Variants in ANKS1B observed in about 807,000 individuals in gnomAD.
ANKS1B encodes ankyrin repeat and sterile alpha motif domain containing 1B.
In ANKS1B, 36 loss-of-function variants were observed where a neutral mutation model predicts 148.3. The observed-to-expected ratio is 0.24, with a 90% CI of 0.19 to 0.32. ANKS1B has a LOEUF of 0.32. Ranked by LOEUF, ANKS1B falls within the 10% of genes least tolerant of loss-of-function variation. ANKS1B has a pLI of 1.00. For missense variants in ANKS1B, 1,157 were observed against 1,542.6 expected (o/e 0.75, Z 4.19); for synonymous variants, 542 against 560.8 (o/e 0.97, Z 0.47).
intron 8 of ANKS1B, among the ~76,000 whole-genome samples, chr12:99,723,818 C>T (rs1408734764): frequency 2.6e-5 from 4 of 152,088 alleles, no homozygotes; most frequent in Non-Finnish European, 5.9e-5. Context: ...GTTTTCCAGC[C>T]TCCTTGAGTG....
At chr12:99,301,412 G>A (rs1435114333) in intron 12 of ANKS1B, among the ~76,000 whole-genome samples, 1 of 152,042 alleles carries the variant, frequency 6.6e-6, no homozygotes, top group African/African-American at 2.4e-5. Flanking sequence ...TTTAATACAT[G>A]GGTAGAATTA....
At chr12:99,470,151 GA>G (rs1336803917) in intron 10 of ANKS1B, among the ~76,000 whole-genome samples, 1 of 150,876 alleles carries the variant, frequency 6.6e-6, no homozygotes, top group Non-Finnish European at 1.5e-5. Flanking sequence ...AAGTTTTCAT[GA>G]AAAAAAGAAA....
At chr12:98,911,384 G>A (rs1453722176) in intron 17 of ANKS1B, among the ~76,000 whole-genome samples, 1 of 152,096 alleles carries the variant, frequency 6.6e-6, no homozygotes, top group Non-Finnish European at 1.5e-5. Context: ...CAACTGTATG[G>A]CCCTGAGAAA....
At chr12:98,907,005 C>CTGTGTGTGTG (rs59857138) in intron 17 of ANKS1B, among the ~76,000 whole-genome samples, 21 of 145,640 alleles carry the variant, frequency 1.4e-4, no homozygotes, top group African/African-American at 4.6e-4. Flanking sequence ...CATAGTTACT[C>CTGTGTGTGTG]TGTGTGTGTG....
intron 17 of ANKS1B, among the ~76,000 whole-genome samples, chr12:98,977,019 C>T (rs1462880396): frequency 1.3e-5 from 2 of 152,204 alleles, no homozygotes; most frequent in African/African-American, 4.8e-5. Context: ...GAAATATCGA[C>T]ACTTCTCAAT....
chr12:99,183,441 A>C (rs2153864181), intron 14 of ANKS1B, among the ~76,000 whole-genome samples: 2 of 152,302 alleles, frequency 1.3e-5, no homozygotes, highest in Non-Finnish European at 2.9e-5. Flanking sequence ...CAGGAGTTTG[A>C]GACCAGCCTG....
rs367769618 is a variant in ANKS1B at position 99,540,490 on chromosome 12, A to T, written c.1273-35849T>A. Among the ~76,000 whole-genome samples the T allele has an allele frequency of 4.6e-5, 7 of 152,310 alleles. No individual in the cohort carries two copies. The East Asian group carries it at 1.3e-3, about 29-fold the overall frequency. On this transcript the variant is annotated intron_variant, in intron 9 of 26. Transcript: ENST00000683438. ...GTATGTTCTCTGACCATAATAGAAAAAAATTAGAAAACAATAAAAATGAAA... is the reference window on the plus strand; with the variant it reads ...GTATGTTCTCTGACCATAATAGAAATAAATTAGAAAACAATAAAAATGAAA...
chr12:99,737,642 G>T (rs2059734580), intron 8 of ANKS1B, among the ~76,000 whole-genome samples: 1 of 151,982 alleles, frequency 6.6e-6, no homozygotes. Context: ...CACCTCTACA[G>T]CATCAACTCC....
intron 10 of ANKS1B, among the ~76,000 whole-genome samples, chr12:99,481,548 G>T (rs1244098399): frequency 6.6e-6 from 1 of 151,684 alleles, no homozygotes; most frequent in African/African-American, 2.4e-5. Context: ...TTTCCTTTGG[G>T]TAGACCTAGT....
chr12:99,649,390 G>T, intron 9 of ANKS1B: 5 of 1,613,032 alleles, frequency 3.1e-6, no homozygotes, highest in Non-Finnish European at 4.2e-6. Flanking sequence ...TTATACAATA[G>T]AGATATGAAT....
At chr12:99,144,121 T>C (rs950614922) in intron 15 of ANKS1B, among the ~76,000 whole-genome samples, 2 of 152,160 alleles carry the variant, frequency 1.3e-5, no homozygotes, top group Non-Finnish European at 2.9e-5. Flanking sequence ...GTTATATTAT[T>C]AAATTGGCTA....
intron 8 of ANKS1B, among the ~76,000 whole-genome samples, chr12:99,729,077 A>G (rs2058888458): frequency 6.6e-6 from 1 of 152,242 alleles, no homozygotes; most frequent in African/African-American, 2.4e-5. Flanking sequence ...TACCTCCAAG[A>G]TATGCCTGTG....
At chr12:99,148,305 C>T (rs1368569057) in intron 15 of ANKS1B, among the ~76,000 whole-genome samples, 2 of 152,060 alleles carry the variant, frequency 1.3e-5, no homozygotes, top group Non-Finnish European at 2.9e-5. Context: ...GTATTATATA[C>T]TGCATTATTA....
intron 8 of ANKS1B, among the ~76,000 whole-genome samples, chr12:99,669,984 T>G: frequency 6.6e-6 from 1 of 152,186 alleles, no homozygotes; most frequent in South Asian, 2.1e-4. Flanking sequence ...TATCCAGGTC[T>G]GATCATGAAT....
At chr12:99,112,786 C>T (rs2060563152) in intron 15 of ANKS1B, among the ~76,000 whole-genome samples, 1 of 152,128 alleles carries the variant, frequency 6.6e-6, no homozygotes, top group African/African-American at 2.4e-5. Flanking sequence ...CAATTTAATT[C>T]TTTCCACTCC....
At position 98,853,576 on chromosome 12, in the gene ANKS1B, C is replaced by A. The variant is rs1222724139; in HGVS notation, c.2779-21440G>T. On this transcript the variant is annotated intron_variant, in intron 17 of 26. Transcript: ENST00000683438. ...TTCCCTTTGCTCTTTAAATGGCTGG[C>A]TTCTTCTTCCCACTCAGTTTTCAGC... Among the ~76,000 whole-genome samples, 3 of 152,320 alleles carry A rather than the reference C, an allele frequency of 2.0e-5. No individual in the cohort carries two copies. In the South Asian group the frequency reaches 6.2e-4, roughly 32 times the overall value.
In ANKS1B at chr12:99,457,311, T is replaced by C. The variant is rs192748942; in HGVS notation, c.1439-13502A>G. On this transcript the variant is annotated intron_variant, in intron 10 of 26. Transcript: ENST00000683438. The stretch of plus-strand genomic sequence containing the variant: ...AACAAATCCTCGAAATACACCAAAA[T>C]AGAATCTCCTTAAAGCACAAATCTC... 7.3e-5 allele frequency among the ~76,000 whole-genome samples: 11 copies of C among 151,426 alleles called. No homozygotes were observed. The East Asian group carries it at 1.9e-3, about 27-fold the overall frequency.
At position 99,386,508 on chromosome 12, in the gene ANKS1B, A is replaced by C. The variant is rs145304574; in HGVS notation, c.1756+13123T>G. 2.3e-3 allele frequency among the ~76,000 whole-genome samples: 343 copies of C among 152,288 alleles called. 5 individuals carry two copies. In the East Asian group the frequency reaches 0.031, roughly 14 times the overall value. ...GGGAAAGAAAAAAAAAAGCCATGCT[A>C]TGCTTTGTTTTGACCTCGTGAAAGA... On this transcript the variant is annotated intron_variant, in intron 12 of 26. Transcript: ENST00000683438.
chr12:99,671,892 G>A (rs543337317), intron 8 of ANKS1B, among the ~76,000 whole-genome samples: 5 of 152,060 alleles, frequency 3.3e-5, no homozygotes, highest in Admixed American at 2.0e-4. Context: ...ATTAACGCTA[G>A]CCAAAGAAAA....
Sources: gnomAD v4.1 joint callset for allele counts (sites outside exome capture counted in the v4.1 genomes callset) on GRCh38, gnomAD v4.1.1 for gene constraint, MANE v1.5 for transcripts, NCBI Gene and HGNC (gene_info 2026-07-23, HGNC 2026-07-21) for gene names.